Variants in CPPED1 observed in about 807,000 individuals in gnomAD.
The protein encoded by CPPED1 is serine/threonine-protein phosphatase CPPED1.
In CPPED1, 28 loss-of-function variants were observed where a neutral mutation model predicts 28.0. The ratio of observed to expected loss-of-function variants is 1.00; its 90% CI spans 0.74 to 1.37. The LOEUF is 1.37. Ranked by LOEUF, CPPED1 falls within the 40% of genes most tolerant of loss-of-function variation. CPPED1 has a pLI of 0.00. For synonymous variants in CPPED1, 198 were observed against 180.2 expected, an observed-to-expected ratio of 1.10 and a Z score of -0.79; for missense variants, 504 against 416.5, an observed-to-expected ratio of 1.21 and a Z score of -1.83.
In CPPED1 at chr16:12,802,967, G is replaced by T. The variant is rs139630463; in HGVS notation, c.70+740C>A. Among the ~76,000 whole-genome samples, 232 of 152,304 alleles carry T rather than the reference G, an allele frequency of 1.5e-3. 1 individual carries two copies. The highest frequency in any genetic ancestry group is 5.5e-3 in the African/African-American group (229 of 41,572). On this transcript the variant is annotated intron_variant, in intron 1 of 3. Transcript: ENST00000381774. ...AGCCTGGGAGGCGATCTGGCTGCAGGCAGCAAAAAGCCACAGAGGGGAATC... is the reference window on the plus strand; with the variant it reads ...AGCCTGGGAGGCGATCTGGCTGCAGTCAGCAAAAAGCCACAGAGGGGAATC...
intron 2 of CPPED1, among the ~76,000 whole-genome samples, chr16:12,764,959 G>T (rs372561128): frequency 6.6e-5 from 10 of 152,316 alleles, no homozygotes; most frequent in African/African-American, 2.4e-4. Context: ...CAGCCTCAAG[G>T]TCATGAGCAG....
chr16:12,676,237 G>C (rs2079877155), intron 3 of CPPED1, among the ~76,000 whole-genome samples: 1 of 152,196 alleles, frequency 6.6e-6, no homozygotes. Context: ...CAGTTAGCTT[G>C]AGACAATAAA....
chr16:12,717,230 C>T (rs1044167641), intron 2 of CPPED1, among the ~76,000 whole-genome samples: 1 of 152,196 alleles, frequency 6.6e-6, no homozygotes. Flanking sequence ...GTACTCTACA[C>T]AGATTATCTC....
intron 2 of CPPED1, among the ~76,000 whole-genome samples, chr16:12,722,554 C>A (rs144532954): frequency 6.6e-6 from 1 of 152,176 alleles, no homozygotes; most frequent in African/African-American, 2.4e-5. Context: ...CTGGGCAACA[C>A]GGCGAGACCC....
intron 3 of CPPED1, among the ~76,000 whole-genome samples, chr16:12,698,409 T>G (rs953967587): frequency 6.6e-6 from 1 of 152,094 alleles, no homozygotes; most frequent in South Asian, 2.1e-4. Flanking sequence ...GAACCTGATC[T>G]TTTTGTTCTT....
chr16:12,697,925 AAT>A (rs2141182878), intron 3 of CPPED1, among the ~76,000 whole-genome samples: 6 of 152,260 alleles, frequency 3.9e-5, no homozygotes, highest in Non-Finnish European at 7.4e-5. Context: ...CAGCCTGGCC[AAT>A]ACAGTGAAAC....
chr16:12,741,235 T>G (rs898470452), intron 2 of CPPED1, among the ~76,000 whole-genome samples: 1 of 151,068 alleles, frequency 6.6e-6, no homozygotes, highest in African/African-American at 2.4e-5. Context: ...CCAGAGACAC[T>G]CAGAATGGTT....
chr16:12,778,277 C>CTTTTTTTTTTTTTTTTTTTTTTTTTT (rs371883790), intron 2 of CPPED1, among the ~76,000 whole-genome samples: 2 of 116,162 alleles, frequency 1.7e-5, no homozygotes, highest in Non-Finnish European at 1.7e-5. Flanking sequence ...TTCTTTCTTT[C>CTTTTTTTTTTTTTTTTTTTTTTTTTT]TTTTTTTTTT....
chr16:12,726,952 G>A (rs1356293242), intron 2 of CPPED1, among the ~76,000 whole-genome samples: 2 of 152,182 alleles, frequency 1.3e-5, no homozygotes, highest in African/African-American at 4.8e-5. Flanking sequence ...CCATGCCTGT[G>A]AAGCTCAGAA....
chr16:12,796,900 C>T (rs1364929182), intron 1 of CPPED1, among the ~76,000 whole-genome samples: 3 of 152,062 alleles, frequency 2.0e-5, no homozygotes, highest in Non-Finnish European at 4.4e-5. Context: ...AATGGGTTAT[C>T]TATACAATGG....
chr16:12,737,320 A>G (rs919665718), intron 2 of CPPED1, among the ~76,000 whole-genome samples: 2 of 152,156 alleles, frequency 1.3e-5, no homozygotes, highest in Non-Finnish European at 2.9e-5. Flanking sequence ...AATTCATGGG[A>G]AGAAGGAGAA....
rs528406424 is a variant in CPPED1, at chr16:12,756,629, C to T, written c.289+24556G>A. ...GGCTGAGGCACGAGAATCACTTGAA[C>T]CCAGGAGGCAGAGGTTGCAGTGAGC... On this transcript the variant is annotated intron_variant, in intron 2 of 3. Coordinates refer to ENST00000381774, the MANE Select transcript of CPPED1 (RefSeq NM_018340.3). Among the ~76,000 whole-genome samples the T allele has an allele frequency of 2.9e-4, 44 of 152,186 alleles. 1 individual carries two copies. In the South Asian group the frequency reaches 8.9e-3, roughly 31 times the overall value.
At chr16:12,711,590 G>A (rs901258608) in intron 2 of CPPED1, among the ~76,000 whole-genome samples, 8 of 152,160 alleles carry the variant, frequency 5.3e-5, no homozygotes, top group Admixed American at 1.3e-4. Flanking sequence ...GAGGGCAGCT[G>A]GGTCTAGGAG....
Position 12,743,788 on chromosome 16 carries a change from G to C in CPPED1, c.289+37397C>G, listed in dbSNP as rs567100752. On this transcript the variant is annotated intron_variant, in intron 2 of 3. Coordinates refer to ENST00000381774, the MANE Select transcript of CPPED1 (RefSeq NM_018340.3). Reference sequence around the variant, plus strand: ...GGAGGTCAAGGCAGGTGGATCACTTGAGCCCAGGAGTTTGAGAGCAGTCTG... The same window carrying C: ...GGAGGTCAAGGCAGGTGGATCACTTCAGCCCAGGAGTTTGAGAGCAGTCTG... Among the ~76,000 whole-genome samples, 3 of 152,222 alleles carry C rather than the reference G, an allele frequency of 2.0e-5. No individual in the cohort carries two copies. The South Asian group carries it at 6.2e-4, about 32-fold the overall frequency.
At chr16:12,777,949 A>G (rs2080507744) in intron 2 of CPPED1, among the ~76,000 whole-genome samples, 2 of 137,648 alleles carry the variant, frequency 1.5e-5, no homozygotes. Flanking sequence ...TTGCTCTGTC[A>G]CTCAGGCTGG....
At chr16:12,776,367 C>G (rs537637196) in intron 2 of CPPED1, among the ~76,000 whole-genome samples, 1 of 152,108 alleles carries the variant, frequency 6.6e-6, no homozygotes, top group Non-Finnish European at 1.5e-5. Flanking sequence ...TTTGTGATAG[C>G]AGGAACAGGA....
intron 2 of CPPED1, among the ~76,000 whole-genome samples, chr16:12,718,187 T>C (rs1450324812): frequency 6.6e-6 from 1 of 152,214 alleles, no homozygotes; most frequent in East Asian, 1.9e-4. Context: ...CCTTAAGCAG[T>C]GAGTCAGCTT....
chr16:12,788,583 G>A lies in CPPED1; in HGVS notation c.71-7180C>T, dbSNP rs183532825. Among the ~76,000 whole-genome samples, 9 of 152,146 alleles carry A rather than the reference G, an allele frequency of 5.9e-5. No individual in the cohort carries two copies. In the East Asian group the frequency reaches 9.7e-4, roughly 16 times the overall value. The stretch of plus-strand genomic sequence containing the variant: ...AGATGCTGAGGTCTGGGTAGTGAGG[G>A]GGAAGGGAGATGGGGCTTAGGCATG... On this transcript the variant is annotated intron_variant, in intron 1 of 3. Transcript: ENST00000381774.
intron 1 of CPPED1, among the ~76,000 whole-genome samples, chr16:12,788,867 C>T (rs906223520): frequency 1.3e-5 from 2 of 152,142 alleles, no homozygotes; most frequent in Non-Finnish European, 2.9e-5. Context: ...CCTGGTCGGC[C>T]GTGATGTTCA....
Sources: allele counts gnomAD v4.1 joint callset (sites outside exome capture counted in the v4.1 genomes callset), GRCh38; gene constraint gnomAD v4.1.1; transcripts MANE v1.5; gene names NCBI Gene and HGNC (gene_info 2026-07-23, HGNC 2026-07-21).